PRKG1: variants seen among roughly 807,000 people sequenced by gnomAD.
PRKG1 encodes the protein protein kinase cGMP-dependent 1.
In PRKG1, 35 loss-of-function variants were observed where a neutral mutation model predicts 88.1. That is an observed-to-expected ratio of 0.40 (90% CI 0.30 to 0.53). The LOEUF (loss-of-function observed/expected upper bound fraction) is 0.53, where lower values mean the gene tolerates loss of function less well. PRKG1 is among the 20% of genes least tolerant of loss of function. The probability of loss-of-function intolerance (pLI) is 0.59; values close to 1 mark genes in which losing one functional copy is unlikely to be tolerated. For missense variants in PRKG1, 540 were observed against 839.8 expected (o/e 0.64, Z 4.41); for synonymous variants, 303 against 292.5 (o/e 1.04, Z -0.37).
Position 51,226,444 on chromosome 10 carries a change from C to T in PRKG1, c.478+73114C>T, listed in dbSNP as rs534840324. On this transcript the variant is annotated intron_variant, in intron 2 of 17. Coordinates refer to ENST00000373980, the MANE Select transcript of PRKG1 (RefSeq NM_006258.4). Reference sequence around the variant, plus strand: ...TTTAGCAAGATGTGCATCAGTGTTCCCTATAATGTCTTTATCAATGAGTAT... The same window carrying T: ...TTTAGCAAGATGTGCATCAGTGTTCTCTATAATGTCTTTATCAATGAGTAT... Among the ~76,000 whole-genome samples the T allele has an allele frequency of 9.9e-5, 15 of 152,064 alleles. No individual in the cohort carries two copies. In the East Asian group the frequency reaches 2.5e-3, roughly 26 times the overall value.
At chr10:52,014,050 G>T (rs569901933) in intron 5 of PRKG1, among the ~76,000 whole-genome samples, 4 of 152,124 alleles carry the variant, frequency 2.6e-5, no homozygotes, top group African/African-American at 9.6e-5. Flanking sequence ...CTGAAATAAT[G>T]CATTACTAAA....
At chr10:51,284,097 T>G (rs571138681) in intron 2 of PRKG1, among the ~76,000 whole-genome samples, 1 of 152,318 alleles carries the variant, frequency 6.6e-6, no homozygotes, top group South Asian at 2.1e-4. Flanking sequence ...ATAAAATATT[T>G]ATAAAGTTTC....
At chr10:51,835,657 A>G (rs908774044) in intron 4 of PRKG1, among the ~76,000 whole-genome samples, 22 of 152,182 alleles carry the variant, frequency 1.4e-4, no homozygotes, top group African/African-American at 5.3e-4. Context: ...ACTTGTTTCC[A>G]TATCTTGGTT....
At chr10:52,168,027 C>A (rs922409786) in intron 9 of PRKG1, among the ~76,000 whole-genome samples, 1 of 152,154 alleles carries the variant, frequency 6.6e-6, no homozygotes, top group Non-Finnish European at 1.5e-5. Context: ...CCTCTGTAGT[C>A]CCTCATGCAC....
At chr10:52,166,799 A>ATATATATGTATATATATATATATATATT (rs1554812265) in intron 9 of PRKG1, among the ~76,000 whole-genome samples, 1 of 70,800 alleles carries the variant, frequency 1.4e-5, no homozygotes, top group African/African-American at 1.1e-4. Context: ...ATATATATAC[A>ATATATATGTATATATATATATATATATT]TATATATATG....
At chr10:51,699,624 G>A (rs1809910875) in intron 3 of PRKG1, 1 of 1,493,490 alleles carries the variant, frequency 6.7e-7, no homozygotes, top group Admixed American at 2.2e-5. Context: ...CTTCCGCTGA[G>A]CAACGGAAGC....
intron 1 of PRKG1, among the ~76,000 whole-genome samples, chr10:51,053,331 G>A (rs1843588874): frequency 6.6e-6 from 1 of 152,048 alleles, no homozygotes; most frequent in Non-Finnish European, 1.5e-5. Context: ...GTAGAGGTGT[G>A]GAGATACACT....
At chr10:51,043,366 A>T (rs1843449971) in intron 1 of PRKG1, among the ~76,000 whole-genome samples, 1 of 152,156 alleles carries the variant, frequency 6.6e-6, no homozygotes, top group African/African-American at 2.4e-5. Context: ...CGTGCCCCCC[A>T]AAGCACACAC....
Position 51,092,789 on chromosome 10 carries a change from T to A in PRKG1, c.311+17888T>A, listed in dbSNP as rs187215706. ...TAAAGGAATTTCAGAGACAATAAAC[T>A]GTTCCATGTGTTTACAGTAAGTTGG... On this transcript the variant is annotated intron_variant, in intron 1 of 17. Transcript: ENST00000373980. Among the ~76,000 whole-genome samples, 97 of 152,356 alleles carry A rather than the reference T, an allele frequency of 6.4e-4. 2 individuals are homozygous for A. Among genetic ancestry groups the A allele is most frequent in the South Asian group, 3.9e-3 (19 of 4,832 alleles).
intron 3 of PRKG1, among the ~76,000 whole-genome samples, chr10:51,532,742 C>T (rs1589051622): frequency 6.6e-6 from 1 of 152,174 alleles, no homozygotes; most frequent in Non-Finnish European, 1.5e-5. Context: ...CCCTGAGGAT[C>T]TTATCCCTGG....
intron 3 of PRKG1, among the ~76,000 whole-genome samples, chr10:51,773,017 T>C (rs1838344767): frequency 6.6e-6 from 1 of 152,114 alleles, no homozygotes; most frequent in African/African-American, 2.4e-5. Context: ...ATCTTTTCAA[T>C]AGAATGGACC....
intron 2 of PRKG1, among the ~76,000 whole-genome samples, chr10:51,184,567 T>C (rs1837433645): frequency 6.6e-6 from 1 of 152,230 alleles, no homozygotes; most frequent in Admixed American, 6.5e-5. Context: ...GCCTTTCATG[T>C]CATTTAGTAA....
intron 3 of PRKG1, among the ~76,000 whole-genome samples, chr10:51,742,881 G>C (rs1297727369): frequency 6.6e-6 from 1 of 152,092 alleles, no homozygotes; most frequent in Non-Finnish European, 1.5e-5. Context: ...TGCCCTTCAG[G>C]AGGTGGGGGG....
At chr10:52,133,389 A>G (rs1013477753) in intron 7 of PRKG1, among the ~76,000 whole-genome samples, 1 of 152,148 alleles carries the variant, frequency 6.6e-6, no homozygotes, top group Non-Finnish European at 1.5e-5. Flanking sequence ...GGGTCTTTAA[A>G]GTAAGGAAAT....
rs1289803162 is a variant in PRKG1, at chr10:52,157,306, G to GAGATATATATATATATATATATATATAT, written c.1002-4582_1002-4581insGATATATATATATATATATATATATATA. 7.1e-5 allele frequency among the ~76,000 whole-genome samples: 9 copies of GAGATATATATATATATATATATATATAT among 125,930 alleles called. 1 individual carries two copies. The highest frequency in any genetic ancestry group is 1.7e-4 in the Admixed American group (2 of 11,700). 82.6% of individuals were successfully genotyped at this position (125,930 alleles called of 152,430 possible). A position where few individuals can be genotyped will look rare whatever the true frequency, so the allele number is the denominator to read the frequency against. On this transcript the variant is annotated intron_variant, in intron 8 of 17. Transcript: ENST00000373980. ...TATATATATTGTGTGTGAGTTAGTTGATATATATATATATATATATATATA... is the reference window on the plus strand; with the variant it reads ...TATATATATTGTGTGTGAGTTAGTTGAGATATATATATATATATATATATATATATATATATATATATATATATATATA...
At chr10:51,099,726 A>G (rs7075385) in intron 1 of PRKG1, among the ~76,000 whole-genome samples, 116,372 of 151,972 alleles carry the variant, frequency 0.77, 45,100 homozygotes, top group East Asian at 0.86. Flanking sequence ...TAAAGAGACC[A>G]TCATTAGAAT....
At chr10:52,059,122 A>C (rs1846175788) in intron 6 of PRKG1, among the ~76,000 whole-genome samples, 1 of 152,000 alleles carries the variant, frequency 6.6e-6, no homozygotes, top group African/African-American at 2.4e-5. Flanking sequence ...ATACTACTGC[A>C]TACTTAATAG....
At chr10:51,612,546 A>G (rs1319141594) in intron 3 of PRKG1, among the ~76,000 whole-genome samples, 2 of 151,924 alleles carry the variant, frequency 1.3e-5, no homozygotes, top group East Asian at 1.9e-4. Context: ...TGGTTTTTCT[A>G]TATATAAAGT....
intron 7 of PRKG1, among the ~76,000 whole-genome samples, chr10:52,112,418 C>T (rs1000558877): frequency 6.6e-5 from 10 of 152,166 alleles, no homozygotes; most frequent in Middle Eastern, 3.4e-3. Flanking sequence ...AAGCCCAATT[C>T]AATCTAGTGT....
Sources: allele counts gnomAD v4.1 joint callset (sites outside exome capture counted in the v4.1 genomes callset), GRCh38; gene constraint gnomAD v4.1.1; transcripts MANE v1.5; gene names NCBI Gene and HGNC (gene_info 2026-07-23, HGNC 2026-07-21).